Variants in UBE3C observed in about 807,000 individuals in gnomAD.
UBE3C encodes ubiquitin-protein ligase E3C.
A neutral mutation model predicts 129.4 loss-of-function variants in UBE3C; 42 were observed. The ratio of observed to expected loss-of-function variants is 0.32; its 90% confidence interval spans 0.25 to 0.42. UBE3C has a LOEUF of 0.42. UBE3C is among the 10% of genes least tolerant of loss of function. The pLI, the probability that UBE3C is intolerant of heterozygous loss-of-function variation, is 1.00. For synonymous variants in UBE3C, 510 were observed against 492.4 expected, an observed-to-expected ratio of 1.04 and a Z score of -0.47; for missense variants, 1,049 against 1,319.1, an observed-to-expected ratio of 0.80 and a Z score of 3.17.
At chr7:157,174,691 A>T (rs1808467698) in intron 4 of UBE3C, among the ~76,000 whole-genome samples, 1 of 152,126 alleles carries the variant, frequency 6.6e-6, no homozygotes, top group Non-Finnish European at 1.5e-5. Flanking sequence ...ACCTCAGGTG[A>T]TCTGCCTGCC....
At chr7:157,150,378 CAA>C (rs34169017) in intron 1 of UBE3C, among the ~76,000 whole-genome samples, 13 of 136,720 alleles carry the variant, frequency 9.5e-5, no homozygotes, top group Admixed American at 2.2e-4. Flanking sequence ...GACTCTGTCT[CAA>C]AAAAAAAAAA....
At chr7:157,178,042 G>A (rs1208602790) in intron 5 of UBE3C, among the ~76,000 whole-genome samples, 1 of 151,982 alleles carries the variant, frequency 6.6e-6, no homozygotes, top group Non-Finnish European at 1.5e-5. Flanking sequence ...TAGAAAAAAG[G>A]ATTGGGGTGG....
intron 21 of UBE3C, 78 bp from the exon 22 acceptor site, chr7:157,256,836 T>A: frequency 1.3e-6 from 2 of 1,584,084 alleles, no homozygotes; most frequent in Non-Finnish European, 1.7e-6. Flanking sequence ...TTTCCGTGGG[T>A]GTCTGGACCA....
At chr7:157,200,303 GAATGGAGTTT>G (rs1228194059) in intron 10 of UBE3C, among the ~76,000 whole-genome samples, 7 of 144,310 alleles carry the variant, frequency 4.9e-5, no homozygotes, top group African/African-American at 2.9e-5. Context: ...ATTAAAATAA[GAATGGAGTTT>G]AGTTGTTGTT....
At chr7:157,237,044 A>G (rs566951284) in intron 18 of UBE3C, among the ~76,000 whole-genome samples, 8 of 152,198 alleles carry the variant, frequency 5.3e-5, no homozygotes, top group South Asian at 2.1e-4. Flanking sequence ...ACAGTTTTCT[A>G]TGTAAGTTTA....
At chr7:157,256,815 A>G (rs1796763697) in intron 21 of UBE3C, 99 bp from the exon 22 acceptor site, 7 of 1,504,994 alleles carry the variant, frequency 4.7e-6, no homozygotes, top group Non-Finnish European at 9.0e-7. Context: ...TTGAGGATCC[A>G]TGGACTTTAG....
intron 4 of UBE3C, among the ~76,000 whole-genome samples, chr7:157,171,907 A>G (rs577488951): frequency 1.3e-5 from 2 of 150,812 alleles, no homozygotes; most frequent in South Asian, 2.1e-4. Context: ...GGATGTCGCC[A>G]TGTTGGGCAG....
intron 21 of UBE3C, among the ~76,000 whole-genome samples, 183 bp downstream of exon 21, chr7:157,254,493 G>A (rs944622914): frequency 2.0e-5 from 3 of 151,656 alleles, no homozygotes; most frequent in Non-Finnish European, 4.4e-5. Flanking sequence ...TGCCTCCCGG[G>A]TTCAAGCAAT....
chr7:157,184,110 T>A (rs1808745236), intron 9 of UBE3C, 81 bp downstream of exon 9: 1 of 1,554,554 alleles, frequency 6.4e-7, no homozygotes, highest in Admixed American at 1.9e-5. Flanking sequence ...CACCCGTAGT[T>A]TCAGTTACAC....
chr7:157,239,525 C>G (rs967344510), intron 18 of UBE3C, among the ~76,000 whole-genome samples: 2 of 152,096 alleles, frequency 1.3e-5, no homozygotes, highest in African/African-American at 4.8e-5. Flanking sequence ...AGTGTGTTCA[C>G]TGGGTAAAAA....
chr7:157,176,253 C>T (rs997744390), intron 5 of UBE3C, among the ~76,000 whole-genome samples: 1 of 152,122 alleles, frequency 6.6e-6, no homozygotes, highest in East Asian at 1.9e-4. Flanking sequence ...CAGAGCAAGA[C>T]CATGTTTCTT....
Position 157,225,425 on chromosome 7 carries a change from T to A in UBE3C, c.2119T>A (p.Tyr707Asn). The change falls in exon 17 of 23, where the codon TAT becomes AAT. Residue 707 changes from tyrosine to asparagine, a missense_variant. By Grantham distance (143) the Tyr-to-Asn change is moderately radical. Around this residue, in one of 4 missense-constraint regions of UBE3C, gnomAD observed 314 missense variants for 416.9 expected, o/e 0.75. Coordinates refer to ENST00000348165, the MANE Select transcript of UBE3C (RefSeq NM_014671.3). ...TTGTTAGATCTTTCAGAGGTTGATT[T>A]ATGCAGATAAGCAAGAAGTTCAAGG... ...ERVKIFQRLI[Y>N]ADKQEVQGDG... 1 of 1,605,040 alleles carries A rather than the reference T, an allele frequency of 6.2e-7. No individual in the cohort carries two copies. Among genetic ancestry groups the A allele is most frequent in the South Asian group, 1.1e-5 (1 of 88,700 alleles).
At chr7:157,210,741 C>T (rs1343787045) in intron 13 of UBE3C, among the ~76,000 whole-genome samples, 1 of 152,212 alleles carries the variant, frequency 6.6e-6, no homozygotes, top group Non-Finnish European at 1.5e-5. Flanking sequence ...TCCTGCCTTC[C>T]ATTGATTTTG....
Position 157,231,280 on chromosome 7 carries a change from G to A in UBE3C, c.2434G>A (p.Asp812Asn). The A allele has an allele frequency of 6.2e-7, 1 of 1,614,168 alleles. No homozygotes were observed. Among genetic ancestry groups the A allele is most frequent in the South Asian group, 1.1e-5 (1 of 91,082 alleles). Residue 812 changes from aspartate (D) to asparagine (N), a missense_variant, in exon 18 of 23, where the codon GAT becomes AAT. Asp to Asn is a conservative substitution (Grantham distance 23, BLOSUM62 1). Around this residue, in one of 4 missense-constraint regions of UBE3C, gnomAD observed 243 missense variants for 368.7 expected, o/e 0.66. Coordinates refer to ENST00000348165, the MANE Select transcript of UBE3C (RefSeq NM_014671.3). ...PNPAAQMLVG[D>N]SFARHYYFLG... The stretch of plus-strand genomic sequence containing the variant: ...CCCGGCTGCTCAGATGCTTGTGGGA[G>A]ATTCTTTTGCCAGACATTACTACTT...
chr7:157,257,138 A>T, intron 22 of UBE3C, 94 bp downstream of exon 22: 1 of 1,507,856 alleles, frequency 6.6e-7, no homozygotes. Context: ...CCTTTTACAT[A>T]CACTTTTGTT....
intron 19 of UBE3C, among the ~76,000 whole-genome samples, chr7:157,250,923 G>C (rs1189855036): frequency 6.6e-6 from 1 of 152,190 alleles, no homozygotes; most frequent in Non-Finnish European, 1.5e-5. Context: ...AATGTTAATA[G>C]TGAAACGTCG....
chr7:157,187,381 G>GTTTTT (rs10637384), intron 10 of UBE3C, among the ~76,000 whole-genome samples: 24 of 142,890 alleles, frequency 1.7e-4, no homozygotes, highest in African/African-American at 3.4e-4. Flanking sequence ...GTTTTATGGG[G>GTTTTT]TTTTTTTTTT....
intron 2 of UBE3C, among the ~76,000 whole-genome samples, chr7:157,166,934 TGGTGGTG>T: frequency 3.7e-5 from 5 of 134,524 alleles, no homozygotes; most frequent in South Asian, 2.3e-4. Flanking sequence ...GTGGTGGTGG[TGGTGGTG>T]GTTTTTGAGA....
intron 1 of UBE3C, among the ~76,000 whole-genome samples, chr7:157,142,021 A>C (rs1807467719): frequency 6.6e-6 from 1 of 152,200 alleles, no homozygotes; most frequent in Admixed American, 6.5e-5. Flanking sequence ...ACAGCATCTG[A>C]AGGTATCCAG....
Sources: allele counts gnomAD v4.1 joint callset (sites outside exome capture counted in the v4.1 genomes callset), GRCh38; gene constraint gnomAD v4.1.1; regional missense constraint gnomAD v4.1.1; transcripts MANE v1.5; gene names NCBI Gene and HGNC (gene_info 2026-07-23, HGNC 2026-07-21).